ANO3: variants seen among roughly 807,000 people sequenced by gnomAD.
ANO3 encodes the protein anoctamin-3.
A neutral mutation model predicts 144.8 loss-of-function variants in ANO3; 99 were observed. That is an observed-to-expected ratio of 0.68 (90% confidence interval 0.58 to 0.81). The LOEUF is 0.81. Ranked by LOEUF, ANO3 falls within the 30% of genes least tolerant of loss-of-function variation. The pLI is 0.00. For synonymous variants in ANO3, 414 were observed against 392.6 expected (o/e 1.05, Z -0.64); for missense variants, 905 against 1,202.2 (o/e 0.75, Z 3.66).
chr11:26,215,807 A>C (rs1419139163), intron 1 of ANO3, among the ~76,000 whole-genome samples: 1 of 151,912 alleles, frequency 6.6e-6, no homozygotes, highest in Non-Finnish European at 1.5e-5. Context: ...ATCCATTACC[A>C]GATAGATCAC....
chr11:26,476,028 T>G (rs1263951954), intron 4 of ANO3, among the ~76,000 whole-genome samples: 2 of 152,088 alleles, frequency 1.3e-5, no homozygotes, highest in African/African-American at 4.8e-5. Context: ...GAATTTGCAT[T>G]TTTAAGTTTC....
intron 14 of ANO3, among the ~76,000 whole-genome samples, chr11:26,576,551 CTTCT>C (rs1419317726): frequency 1.3e-5 from 2 of 152,134 alleles, no homozygotes; most frequent in Non-Finnish European, 2.9e-5. Flanking sequence ...TGAGTAAACT[CTTCT>C]TTATTTTTAC....
At chr11:26,206,781 T>C (rs565664469) in intron 1 of ANO3, among the ~76,000 whole-genome samples, 11 of 152,278 alleles carry the variant, frequency 7.2e-5, no homozygotes, top group Non-Finnish European at 1.5e-4. Context: ...GAATGAACAT[T>C]CCAGCAAGGA....
chr11:26,367,078 C>A (rs1418648394), intron 1 of ANO3, among the ~76,000 whole-genome samples: 1 of 152,144 alleles, frequency 6.6e-6, no homozygotes, highest in Non-Finnish European at 1.5e-5. Flanking sequence ...AACTGGATCC[C>A]TTCCTTACAC....
rs543360886 is a variant in ANO3 at position 26,530,574 on chromosome 11, T to C, written c.738-631T>C. Among the ~76,000 whole-genome samples the C allele has an allele frequency of 2.0e-5, 3 of 151,602 alleles. No homozygotes were observed. In the East Asian group the frequency reaches 5.8e-4, roughly 29 times the overall value. On this transcript the variant is annotated intron_variant, in intron 7 of 26. Transcript: ENST00000256737. The stretch of plus-strand genomic sequence containing the variant: ...TGCGCTTAAAAAAAAAAAAACTCTC[T>C]TTCTGGCCGGGCGCAGTGGCTCATG...
chr11:26,304,002 C>T (rs1477789098), intron 1 of ANO3, among the ~76,000 whole-genome samples: 4 of 152,160 alleles, frequency 2.6e-5, no homozygotes, highest in African/African-American at 7.2e-5. Flanking sequence ...CGTGAGCCAT[C>T]GTGCACGGCC....
chr11:26,482,376 A>G (rs536585798), intron 4 of ANO3, among the ~76,000 whole-genome samples: 50 of 151,946 alleles, frequency 3.3e-4, no homozygotes, highest in Non-Finnish European at 5.9e-4. Flanking sequence ...GAATACTTAC[A>G]AATCTAACAT....
At chr11:26,492,158 T>C (rs1860734434) in intron 4 of ANO3, among the ~76,000 whole-genome samples, 2 of 152,246 alleles carry the variant, frequency 1.3e-5, no homozygotes, top group African/African-American at 4.8e-5. Flanking sequence ...TTAATAAAAT[T>C]AGATTCTCTT....
intron 1 of ANO3, among the ~76,000 whole-genome samples, chr11:26,248,818 A>C (rs1309599967): frequency 6.6e-6 from 1 of 152,188 alleles, no homozygotes; most frequent in Non-Finnish European, 1.5e-5. Context: ...CCATACGCAC[A>C]CAGCAGGAGG....
chr11:26,331,189 G>T (rs147782614), upstream of ANO3, among the ~76,000 whole-genome samples: 179 of 152,296 alleles, frequency 1.2e-3, 2 homozygotes, highest in African/African-American at 4.1e-3. Context: ...GTTGGAGGGG[G>T]AGGGAGAGCA....
At chr11:26,292,399 A>G (rs1043459936) in intron 1 of ANO3, among the ~76,000 whole-genome samples, 4 of 152,106 alleles carry the variant, frequency 2.6e-5, no homozygotes, top group African/African-American at 9.7e-5. Flanking sequence ...CAATCTTCTG[A>G]AGCCCACTTC....
At chr11:26,614,635 G>T (rs956454329) in intron 17 of ANO3, among the ~76,000 whole-genome samples, 1 of 152,174 alleles carries the variant, frequency 6.6e-6, no homozygotes, top group African/African-American at 2.4e-5. Context: ...TTTGAGGCCT[G>T]TGGGGATTAG....
intron 14 of ANO3, among the ~76,000 whole-genome samples, chr11:26,595,346 C>T (rs10835007): frequency 0.45 from 67,447 of 151,516 alleles, 15,842 homozygotes; most frequent in East Asian, 0.68. Flanking sequence ...TTCCTGAGTA[C>T]TTCAAACAAC....
intron 5 of ANO3, among the ~76,000 whole-genome samples, chr11:26,510,283 C>A (rs1423193946): frequency 2.0e-5 from 3 of 152,088 alleles, no homozygotes; most frequent in Admixed American, 6.5e-5. Context: ...CAGAGCCCAG[C>A]AAGTAAAATT....
chr11:26,574,048 G>A (rs190882616), intron 14 of ANO3, among the ~76,000 whole-genome samples: 2 of 152,162 alleles, frequency 1.3e-5, no homozygotes, highest in East Asian at 1.9e-4. Context: ...TCCACAATGA[G>A]AGATAATTAC....
At chr11:26,656,321 G>C in intron 25 of ANO3, 55 bp from the exon 26 acceptor site, 1 of 1,461,270 alleles carries the variant, frequency 6.8e-7, no homozygotes, top group Non-Finnish European at 9.6e-7. Flanking sequence ...AAGAAAATTT[G>C]GGCCTCCACT....
At chr11:26,571,066 A>C (rs1850805471) in intron 14 of ANO3, among the ~76,000 whole-genome samples, 1 of 152,158 alleles carries the variant, frequency 6.6e-6, no homozygotes, top group Admixed American at 6.6e-5. Flanking sequence ...TAAAAGACTT[A>C]GGCTATGTAA....
At chr11:26,208,647 A>C (rs1273267428) in intron 1 of ANO3, among the ~76,000 whole-genome samples, 1 of 152,196 alleles carries the variant, frequency 6.6e-6, no homozygotes, top group Non-Finnish European at 1.5e-5. Context: ...GGATCATTTA[A>C]CCTCAGGGAA....
At chr11:26,583,046 A>G (rs1257172192) in intron 14 of ANO3, among the ~76,000 whole-genome samples, 1 of 152,220 alleles carries the variant, frequency 6.6e-6, no homozygotes, top group Non-Finnish European at 1.5e-5. Context: ...AATTGAGAGT[A>G]TTCAATTTGA....
Sources: allele counts gnomAD v4.1 joint callset (sites outside exome capture counted in the v4.1 genomes callset), GRCh38; gene constraint gnomAD v4.1.1; transcripts MANE v1.5; gene names NCBI Gene and HGNC (gene_info 2026-07-23, HGNC 2026-07-21).